Variants in NRSN1 observed in about 807,000 individuals in gnomAD.
NRSN1 encodes neurensin-1.
A neutral mutation model predicts 17.3 loss-of-function variants in NRSN1; 14 were observed. The observed-to-expected ratio is 0.81, with a 90% CI of 0.54 to 1.27. The LOEUF is 1.27. NRSN1 is among the 50% of genes most tolerant of loss of function. The probability of loss-of-function intolerance (pLI) is 0.00; values close to 1 mark genes in which losing one functional copy is unlikely to be tolerated. For synonymous variants in NRSN1, 79 were observed against 94.2 expected (o/e 0.84, Z 0.93); for missense variants, 209 against 235.9 (o/e 0.89, Z 0.75).
In NRSN1 at chr6:24,147,237, T is replaced by C. The variant is rs1221278547; in HGVS notation, c.*1291T>C. On this transcript the variant is annotated 3_prime_UTR_variant, in exon 4 of 4. Transcript: ENST00000378491. ...TTTCATTCTCAAACAAGATGCTTTG[T>C]TCTCCAACAAGATGTTCATCTCATC... The C allele has an allele frequency of 6.6e-6, 1 of 152,234 alleles. No individual in the cohort carries two copies. The highest frequency in any genetic ancestry group is 1.5e-5 in the Non-Finnish European group (1 of 68,050). 9.4% of individuals were successfully genotyped at this position (152,234 alleles called of 1,614,324 possible).
At chr6:24,140,355 T>C (rs1760185016) in intron 3 of NRSN1, among the ~76,000 whole-genome samples, 1 of 152,132 alleles carries the variant, frequency 6.6e-6, no homozygotes, top group African/African-American at 2.4e-5. Flanking sequence ...CTGATGTGAT[T>C]TCACTGCCCA....
intron 2 of NRSN1, among the ~76,000 whole-genome samples, chr6:24,130,593 G>C (rs4449613): frequency 6.6e-6 from 1 of 151,860 alleles, no homozygotes; most frequent in African/African-American, 2.4e-5. Flanking sequence ...TCAGACCCTC[G>C]GGGATCCTAT....
At chr6:24,142,640 G>C (rs1760228241) in intron 3 of NRSN1, among the ~76,000 whole-genome samples, 1 of 151,990 alleles carries the variant, frequency 6.6e-6, no homozygotes, top group South Asian at 2.1e-4. Context: ...TGTATTTTTA[G>C]TAGAGATGGG....
At chr6:24,132,247 A>G (rs191021090) in intron 2 of NRSN1, among the ~76,000 whole-genome samples, 40 of 152,360 alleles carry the variant, frequency 2.6e-4, no homozygotes, top group Admixed American at 2.2e-3. Flanking sequence ...CCACTGCACA[A>G]GGAATTGCTG....
chr6:24,127,339 A>T (rs1287176515), intron 1 of NRSN1, among the ~76,000 whole-genome samples: 1 of 152,174 alleles, frequency 6.6e-6, no homozygotes, highest in Non-Finnish European at 1.5e-5. Context: ...AAATGCTGAA[A>T]ACAGTTTATC....
chr6:24,134,096 C>G (rs1401517020), intron 2 of NRSN1, among the ~76,000 whole-genome samples: 1 of 151,672 alleles, frequency 6.6e-6, no homozygotes, highest in African/African-American at 2.4e-5. Flanking sequence ...CATCTCCTCA[C>G]CTCGTGATCC....
chr6:24,132,240 C>G (rs1760044384), intron 2 of NRSN1, among the ~76,000 whole-genome samples: 1 of 152,194 alleles, frequency 6.6e-6, no homozygotes, highest in Non-Finnish European at 1.5e-5. Context: ...TTTGTGCCCA[C>G]TGCACAAGGA....
At chr6:24,138,599 C>T (rs531171605) in intron 3 of NRSN1, among the ~76,000 whole-genome samples, 1 of 152,212 alleles carries the variant, frequency 6.6e-6, no homozygotes, top group African/African-American at 2.4e-5. Flanking sequence ...CATTTAATGG[C>T]GATGTGCAGG....
chr6:24,131,794 G>A (rs72828936), intron 2 of NRSN1, among the ~76,000 whole-genome samples: 2,735 of 152,266 alleles, frequency 0.018, 42 homozygotes, highest in Non-Finnish European at 0.029. Flanking sequence ...TGAAGAGATC[G>A]TCCTAGTGCT....
intron 2 of NRSN1, among the ~76,000 whole-genome samples, 191 bp from the exon 3 acceptor site, chr6:24,134,128 T>G (rs1283152259): frequency 2.0e-5 from 3 of 151,910 alleles, no homozygotes; most frequent in Non-Finnish European, 4.4e-5. Context: ...CCTCCCAAAG[T>G]GCTGGGATTA....
At position 24,142,896 on chromosome 6, in the gene NRSN1, T is replaced by C. The variant is rs944239935; in HGVS notation, c.190-2652T>C. Among the ~76,000 whole-genome samples, 3 of 152,182 alleles carry C rather than the reference T, an allele frequency of 2.0e-5. No individual in the cohort carries two copies. The East Asian group carries it at 5.8e-4, about 29-fold the overall frequency. Reference sequence around the variant, plus strand: ...TACTGGCGCGGGTGGCCAGCTTTTATATCCTTATTTGGCCCCGCCCACATC... The same window carrying C: ...TACTGGCGCGGGTGGCCAGCTTTTACATCCTTATTTGGCCCCGCCCACATC... On this transcript the variant is annotated intron_variant, in intron 3 of 3. Coordinates refer to ENST00000378491, the MANE Select transcript of NRSN1 (RefSeq NM_080723.5).
At chr6:24,130,115 C>T (rs1010130530) in intron 2 of NRSN1, among the ~76,000 whole-genome samples, 1 of 152,180 alleles carries the variant, frequency 6.6e-6, no homozygotes, top group Non-Finnish European at 1.5e-5. Context: ...AAAAAAGGCT[C>T]TCTAAAATAT....
chr6:24,133,442 G>C (rs1446686348), intron 2 of NRSN1, among the ~76,000 whole-genome samples: 3 of 152,188 alleles, frequency 2.0e-5, no homozygotes, highest in Non-Finnish European at 4.4e-5. Flanking sequence ...AAATGTCAGA[G>C]GAAGATACAT....
chr6:24,143,554 ATTAAT>A (rs1194796523), intron 3 of NRSN1, among the ~76,000 whole-genome samples: 1 of 152,300 alleles, frequency 6.6e-6, no homozygotes, highest in African/African-American at 2.4e-5. Context: ...AATATTAAAG[ATTAAT>A]TTATGTTATG....
At chr6:24,133,048 T>C (rs1326050595) in intron 2 of NRSN1, among the ~76,000 whole-genome samples, 1 of 151,966 alleles carries the variant, frequency 6.6e-6, no homozygotes, top group Non-Finnish European at 1.5e-5. Flanking sequence ...AATTCTTTCT[T>C]TTTTTTAACC....
At chr6:24,142,211 T>TTTTC in intron 3 of NRSN1, among the ~76,000 whole-genome samples, 1 of 147,852 alleles carries the variant, frequency 6.8e-6, no homozygotes, top group African/African-American at 2.5e-5. Context: ...TTTTTTTTTT[T>TTTTC]TTTCAGAAGA....
chr6:24,127,067 T>C (rs1012092352), intron 1 of NRSN1, among the ~76,000 whole-genome samples: 3 of 149,988 alleles, frequency 2.0e-5, no homozygotes, highest in Non-Finnish European at 4.4e-5. Context: ...AGAAGAGAAA[T>C]GTAATTCAGA....
Position 24,146,063 on chromosome 6 carries a change from G to A in NRSN1, c.*117G>A, listed in dbSNP as rs567553596. 3.0e-4 allele frequency: 330 copies of A among 1,083,906 alleles called. No individual in the cohort carries two copies. The African/African-American group carries it at 4.9e-3, about 16-fold the overall frequency. 67.1% of individuals were successfully genotyped at this position (1,083,906 alleles called of 1,614,324 possible). On this transcript the variant is annotated 3_prime_UTR_variant, in exon 4 of 4. Transcript: ENST00000378491. ...CTGCCCTAGGGCTGTGTTCAGCTGT[G>A]GGCAATATAATGGGTGGACTCACAC...
At chr6:24,137,866 C>T (rs1382774488) in intron 3 of NRSN1, among the ~76,000 whole-genome samples, 2 of 151,824 alleles carry the variant, frequency 1.3e-5, no homozygotes. Context: ...GAGGAGGTCA[C>T]ATGTGAGAAA....
Sources: allele counts gnomAD v4.1 joint callset (sites outside exome capture counted in the v4.1 genomes callset), GRCh38; gene constraint gnomAD v4.1.1; transcripts MANE v1.5; gene names NCBI Gene and HGNC (gene_info 2026-07-23, HGNC 2026-07-21).